ADD1: variants seen among roughly 807,000 people sequenced by gnomAD.
ADD1 encodes adducin 1, also known as alpha-adducin.
Under a neutral mutation model 80.5 loss-of-function variants are expected in ADD1, and 24 were observed. The observed-to-expected ratio is 0.30, with a 90% CI of 0.22 to 0.42. The LOEUF is 0.42. ADD1 is among the 10% of genes least tolerant of loss of function. ADD1 has a pLI of 1.00. For missense variants in ADD1, 948 were observed against 1,019.0 expected (o/e 0.93, Z 0.95); for synonymous variants, 373 against 393.8 (o/e 0.95, Z 0.63).
chr4:2,852,429 C>T (rs993992058), intron 1 of ADD1, among the ~76,000 whole-genome samples: 4 of 147,656 alleles, frequency 2.7e-5, no homozygotes, highest in East Asian at 4.0e-4. Flanking sequence ...CGGGTTCAAG[C>T]GATTCTTGTG....
At position 2,929,978 on chromosome 4, in the gene ADD1, A is replaced by G. The variant is rs947241604; in HGVS notation, c.*1455A>G. On this transcript the variant is annotated 3_prime_UTR_variant, in exon 16 of 16. Coordinates refer to ENST00000683351, the MANE Select transcript of ADD1 (RefSeq NM_001354761.2). ...TACAACATGAAATATAGTTGCATAT[A>G]TGGACACCGACTTGGGAGGACAGGT... 1 of 152,616 alleles carries G rather than the reference A, an allele frequency of 6.6e-6. No homozygotes were observed. Among genetic ancestry groups the G allele is most frequent in the East Asian group, 1.9e-4 (1 of 5,206 alleles). The allele number at this position is 152,616 out of a possible 1,614,324, so 9.5% of individuals were successfully genotyped here.
At chr4:2,847,632 G>A (rs1726445454) in intron 1 of ADD1, among the ~76,000 whole-genome samples, 1 of 152,146 alleles carries the variant, frequency 6.6e-6, no homozygotes, top group African/African-American at 2.4e-5. Flanking sequence ...TTGAGAATGT[G>A]TGCCTGTGAC....
At chr4:2,908,654 G>A (rs55833888) in intron 12 of ADD1, 50 bp downstream of exon 12, 85 of 1,442,966 alleles carry the variant, frequency 5.9e-5, no homozygotes, top group Non-Finnish European at 7.3e-5. Flanking sequence ...CTGTGTGACC[G>A]CCTGCTCCAA....
intron 11 of ADD1, 106 bp downstream of exon 11, chr4:2,907,950 G>A (rs1019873493): frequency 7.4e-5 from 63 of 848,034 alleles, no homozygotes; most frequent in Non-Finnish European, 1.2e-4. Context: ...GGCATCTGCT[G>A]TTGTTGCCAC....
rs1333513656 is a variant in ADD1 at position 2,926,399 on chromosome 4, G to A, written c.2047+287G>A. 5 of 697,814 alleles carry A rather than the reference G, an allele frequency of 7.2e-6. No homozygotes were observed. The highest frequency in any genetic ancestry group is 4.0e-5 in the Admixed American group (2 of 49,612). 43.2% of individuals were successfully genotyped at this position (697,814 alleles called of 1,614,324 possible). A position where few individuals can be genotyped will look rare whatever the true frequency, so the allele number is the denominator to read the frequency against. On this transcript the variant is annotated intron_variant, in intron 15 of 15. Coordinates refer to ENST00000683351, the MANE Select transcript of ADD1 (RefSeq NM_001354761.2). The surrounding 1 kb of genome is among the most constrained non-coding windows in gnomAD (Gnocchi z 5.0). Reference sequence around the variant, plus strand: ...CCATTGCTCGCACACTCCTCGTGCCGTGTTGTCATGCAGATGCCACCTTCG... The same window carrying A: ...CCATTGCTCGCACACTCCTCGTGCCATGTTGTCATGCAGATGCCACCTTCG...
At chr4:2,873,040 C>T (rs1730704373) in intron 1 of ADD1, among the ~76,000 whole-genome samples, 1 of 151,970 alleles carries the variant, frequency 6.6e-6, no homozygotes, top group East Asian at 1.9e-4. Flanking sequence ...GTTGTTCAGG[C>T]TGGAGTGCAG....
chr4:2,916,978 T>C (rs1382245186), intron 14 of ADD1, among the ~76,000 whole-genome samples: 2 of 152,340 alleles, frequency 1.3e-5, no homozygotes, highest in African/African-American at 4.8e-5. Context: ...GTATTGTGCA[T>C]AGTGGTGCAG....
At chr4:2,871,736 A>G (rs1730489244) in intron 1 of ADD1, among the ~76,000 whole-genome samples, 1 of 152,158 alleles carries the variant, frequency 6.6e-6, no homozygotes, top group African/African-American at 2.4e-5. Flanking sequence ...GCCCCCATAT[A>G]AGTTTTAGGC....
intron 1 of ADD1, among the ~76,000 whole-genome samples, chr4:2,852,012 T>C (rs770482592): frequency 1.3e-5 from 2 of 152,128 alleles, no homozygotes; most frequent in Non-Finnish European, 2.9e-5. Flanking sequence ...CTAATTTTTG[T>C]ATTTTTAGTA....
intron 1 of ADD1, among the ~76,000 whole-genome samples, chr4:2,849,195 A>C (rs977554267): frequency 3.3e-5 from 5 of 152,238 alleles, no homozygotes; most frequent in African/African-American, 1.2e-4. Flanking sequence ...GGATTAAATG[A>C]AGTAAATGCC....
At chr4:2,884,969 A>T (rs973591119) in intron 4 of ADD1, among the ~76,000 whole-genome samples, 1 of 152,210 alleles carries the variant, frequency 6.6e-6, no homozygotes, top group Non-Finnish European at 1.5e-5. Context: ...AAGAATGATG[A>T]TGTTTTCTTT....
intron 14 of ADD1, among the ~76,000 whole-genome samples, chr4:2,917,376 G>C (rs953301760): frequency 1.3e-5 from 2 of 151,934 alleles, no homozygotes; most frequent in African/African-American, 4.8e-5. Flanking sequence ...CTTTTTGATG[G>C]CATTGTTTTT....
At chr4:2,909,490 CT>C (rs1454666768) in intron 13 of ADD1, 59 bp downstream of exon 13, 12 of 1,098,422 alleles carry the variant, frequency 1.1e-5, no homozygotes, top group African/African-American at 1.0e-4. Context: ...CCCCTCCCCC[CT>C]CCCCGTCTCC....
In ADD1 at chr4:2,875,890, C is replaced by G. The variant is rs980222077; in HGVS notation, c.-20-6C>G. 1 of 1,552,248 alleles carries G rather than the reference C, an allele frequency of 6.4e-7. No homozygotes were observed. Among genetic ancestry groups the G allele is most frequent in the Non-Finnish European group, 8.7e-7 (1 of 1,150,878 alleles). On this transcript the variant is annotated splice_polypyrimidine_tract_variant and splice_region_variant and intron_variant, in intron 1 of 15. Transcript: ENST00000683351. ...AACAATAATTTCTTTTATTTTGATT[C>G]TGTAGGAACCTAGAAAGATTGTACA...
At chr4:2,913,977 T>G (rs1264692630) in intron 13 of ADD1, among the ~76,000 whole-genome samples, 2 of 147,476 alleles carry the variant, frequency 1.4e-5, no homozygotes, top group Non-Finnish European at 3.0e-5. Flanking sequence ...GAGAATGGAG[T>G]GAACCTGGGA....
chr4:2,875,237 C>T (rs1400179642), intron 1 of ADD1, among the ~76,000 whole-genome samples: 2 of 151,950 alleles, frequency 1.3e-5, no homozygotes, highest in African/African-American at 4.8e-5. Flanking sequence ...CCCCTCCCCC[C>T]GAGAAAAGAA....
At chr4:2,893,766 G>GT (rs1734699804) in intron 4 of ADD1, among the ~76,000 whole-genome samples, 1 of 152,172 alleles carries the variant, frequency 6.6e-6, no homozygotes, top group African/African-American at 2.4e-5. Context: ...GTGTGGAACT[G>GT]TTTTTTCCCT....
At chr4:2,881,253 A>G (rs934650992) in intron 2 of ADD1, among the ~76,000 whole-genome samples, 1 of 151,362 alleles carries the variant, frequency 6.6e-6, no homozygotes, top group Non-Finnish European at 1.5e-5. Flanking sequence ...AATTTTTTAC[A>G]TTTTTAGTAG....
rs182375598 is a variant in ADD1, at chr4:2,864,097, T to A, written c.-20-11799T>A. 2.6e-5 allele frequency among the ~76,000 whole-genome samples: 4 copies of A among 152,314 alleles called. No individual in the cohort carries two copies. The East Asian group carries it at 7.7e-4, about 29-fold the overall frequency. On this transcript the variant is annotated intron_variant, in intron 1 of 15. Coordinates refer to ENST00000683351, the MANE Select transcript of ADD1 (RefSeq NM_001354761.2). The stretch of plus-strand genomic sequence containing the variant: ...ATGACCTGTGAGATCAGGATAAGGC[T>A]ATCCTGCTAAAACACTTAAATAACA...
Sources: gnomAD v4.1 joint callset for allele counts (sites outside exome capture counted in the v4.1 genomes callset) on GRCh38, gnomAD v4.1.1 for gene constraint, Gnocchi (gnomAD v3.1) non-coding constraint, MANE v1.5 for transcripts, NCBI Gene and HGNC (gene_info 2026-07-23, HGNC 2026-07-21) for gene names.